HERC3: variants seen among roughly 807,000 people sequenced by gnomAD.
HERC3 encodes the protein probable E3 ubiquitin-protein ligase HERC3.
In HERC3, 58 loss-of-function variants were observed where a neutral mutation model predicts 129.9. That is an observed-to-expected ratio of 0.45 (90% CI 0.36 to 0.56). The LOEUF (loss-of-function observed/expected upper bound fraction) is 0.56, where lower values mean the gene tolerates loss of function less well. HERC3 is among the 20% of genes least tolerant of loss of function. The pLI, the probability that HERC3 is intolerant of heterozygous loss-of-function variation, is 0.00. For missense variants in HERC3, 835 were observed against 1,244.2 expected (o/e 0.67, Z 4.95); for synonymous variants, 430 against 451.0 (o/e 0.95, Z 0.59).
intron 3 of HERC3, among the ~76,000 whole-genome samples, chr4:88,640,972 T>G (rs1728030829): frequency 6.6e-6 from 1 of 152,224 alleles, no homozygotes; most frequent in African/African-American, 2.4e-5. Context: ...TGATTGATAT[T>G]TATCGAACAT....
intron 3 of HERC3, among the ~76,000 whole-genome samples, chr4:88,617,324 A>G (rs1334203905): frequency 6.6e-6 from 1 of 152,098 alleles, no homozygotes; most frequent in Admixed American, 6.5e-5. Context: ...CTTCTTTTCA[A>G]AGTCATACTA....
At chr4:88,570,841 C>T in the HERC3 span, among the ~76,000 whole-genome samples, 1 of 151,968 alleles carries the variant, frequency 6.6e-6, no homozygotes, top group Non-Finnish European at 1.5e-5. Context: ...GCAAGCTCCG[C>T]CTCCCGGGTT....
At chr4:88,650,465 A>G (rs1369302986) in intron 4 of HERC3, among the ~76,000 whole-genome samples, 1 of 152,212 alleles carries the variant, frequency 6.6e-6, no homozygotes, top group Non-Finnish European at 1.5e-5. Context: ...AAAAATGTTA[A>G]TACAGTAGGT....
chr4:88,690,294 A>G lies in HERC3; in HGVS notation c.2657+2995A>G, dbSNP rs116693418. ...CATATAGTCAGATAATGTTTTTAGAATTGGGAAATTTATGGCAGATCATAA... is the reference window on the plus strand; with the variant it reads ...CATATAGTCAGATAATGTTTTTAGAGTTGGGAAATTTATGGCAGATCATAA... On this transcript the variant is annotated intron_variant, in intron 23 of 25. Transcript: ENST00000402738. 1.1e-3 allele frequency: 1,055 copies of G among 983,356 alleles called. 14 individuals are homozygous for G. In the African/African-American group the frequency reaches 0.017, roughly 16 times the overall value. 60.9% of individuals were successfully genotyped at this position (983,356 alleles called of 1,614,324 possible). A position where few individuals can be genotyped will look rare whatever the true frequency, so the allele number is the denominator to read the frequency against.
chr4:88,653,700 C>T (rs1729538424), intron 6 of HERC3, among the ~76,000 whole-genome samples: 1 of 152,136 alleles, frequency 6.6e-6, no homozygotes, highest in South Asian at 2.1e-4. Flanking sequence ...AGATTTTAAA[C>T]ATATTTTGAA....
the HERC3 span, among the ~76,000 whole-genome samples, chr4:88,541,408 TG>T: frequency 1.3e-5 from 2 of 152,180 alleles, no homozygotes; most frequent in Non-Finnish European, 2.9e-5. Flanking sequence ...TAAATATATA[TG>T]TACCTAATAC....
At chr4:88,654,223 AT>A in intron 7 of HERC3, 90 bp downstream of exon 7, 2 of 873,636 alleles carry the variant, frequency 2.3e-6, no homozygotes, top group Non-Finnish European at 3.7e-6. Flanking sequence ...ATGGTGTGTG[AT>A]TACAGTATTG....
intron 3 of HERC3, among the ~76,000 whole-genome samples, chr4:88,611,666 A>G (rs1419757402): frequency 6.6e-6 from 1 of 152,240 alleles, no homozygotes; most frequent in Non-Finnish European, 1.5e-5. Flanking sequence ...GGCCAACTCC[A>G]AGTGGCTTAC....
intron 23 of HERC3, 112 bp downstream of exon 23, chr4:88,687,411 G>A (rs945623381): frequency 2.6e-5 from 13 of 505,560 alleles, no homozygotes; most frequent in Non-Finnish European, 4.5e-5. Context: ...CTTCAGAGGA[G>A]GTAAGTAAGG....
chr4:88,681,980 T>G (rs1732830270), intron 21 of HERC3, among the ~76,000 whole-genome samples: 1 of 152,248 alleles, frequency 6.6e-6, no homozygotes. Flanking sequence ...TTGATTGGCC[T>G]TTGGTTGAAT....
intron 3 of HERC3, among the ~76,000 whole-genome samples, chr4:88,607,550 G>A (rs904419342): frequency 6.6e-6 from 1 of 151,900 alleles, no homozygotes; most frequent in Non-Finnish European, 1.5e-5. Flanking sequence ...CGCAACCTCC[G>A]CCTCCCAGGC....
chr4:88,690,678 T>C (rs1356469679), intron 23 of HERC3: 5 of 828,626 alleles, frequency 6.0e-6, no homozygotes, highest in Non-Finnish European at 7.3e-6. Context: ...AGAACTGCCT[T>C]ATTACTCCTT....
chr4:88,681,458 T>C, intron 21 of HERC3, 133 bp downstream of exon 21: 1 of 726,284 alleles, frequency 1.4e-6, no homozygotes, highest in Non-Finnish European at 2.3e-6. Flanking sequence ...TATGTGTGTT[T>C]TGTCTAAGAT....
At chr4:88,662,392 C>T in intron 10 of HERC3, 39 bp from the exon 11 acceptor site, 1 of 1,577,142 alleles carries the variant, frequency 6.3e-7, no homozygotes, top group African/African-American at 1.4e-5. Flanking sequence ...ATCCATGCTA[C>T]ATAATTTCTT....
intron 16 of HERC3, among the ~76,000 whole-genome samples, chr4:88,674,576 T>C (rs1731959920): frequency 6.6e-6 from 1 of 152,244 alleles, no homozygotes; most frequent in African/African-American, 2.4e-5. Flanking sequence ...ATTCTGAATA[T>C]TGGCACCAGT....
intron 3 of HERC3, among the ~76,000 whole-genome samples, chr4:88,648,895 T>A (rs1203599846): frequency 6.6e-6 from 1 of 152,050 alleles, no homozygotes; most frequent in East Asian, 1.9e-4. Context: ...AATCCTGCTT[T>A]TGAAGGTTTT....
the HERC3 span, among the ~76,000 whole-genome samples, chr4:88,579,561 G>A: frequency 6.6e-6 from 1 of 152,114 alleles, no homozygotes; most frequent in African/African-American, 2.4e-5. Context: ...TGGGGAATTG[G>A]GAGAGAGGCT....
intron 23 of HERC3, chr4:88,690,198 G>A (rs1560769339): frequency 4.1e-6 from 4 of 981,416 alleles, no homozygotes; most frequent in Non-Finnish European, 4.8e-6. Flanking sequence ...TATAACATTG[G>A]TACTTTTGTT....
At chr4:88,615,709 G>A (rs1420782515) in intron 3 of HERC3, among the ~76,000 whole-genome samples, 1 of 152,040 alleles carries the variant, frequency 6.6e-6, no homozygotes, top group East Asian at 1.9e-4. Flanking sequence ...TTAATACATT[G>A]CCTATCAGAT....
Sources: allele counts gnomAD v4.1 joint callset (sites outside exome capture counted in the v4.1 genomes callset), GRCh38; gene constraint gnomAD v4.1.1; transcripts MANE v1.5; gene names NCBI Gene and HGNC (gene_info 2026-07-23, HGNC 2026-07-21).